The following MYO5B variants were observed in gnomAD, a reference collection of about 807,000 sequenced individuals.
The protein encoded by MYO5B is unconventional myosin-Vb.
In MYO5B, 143 loss-of-function variants were observed where a neutral mutation model predicts 229.3. That is an observed-to-expected ratio of 0.62 (90% CI 0.54 to 0.72). MYO5B has a LOEUF of 0.72. MYO5B is among the 30% of genes least tolerant of loss of function. MYO5B has a pLI of 0.00. For synonymous variants in MYO5B, 918 were observed against 885.2 expected (o/e 1.04, Z -0.66); for missense variants, 2,321 against 2,331.0 (o/e 1.00, Z 0.09).
chr18:49,838,649 T>A (rs185466802), intron 36 of MYO5B, among the ~76,000 whole-genome samples: 251 of 152,322 alleles, frequency 1.6e-3, no homozygotes, highest in Non-Finnish European at 2.4e-3. Context: ...TTTCTTCCGA[T>A]TGAAAATGTA....
intron 14 of MYO5B, among the ~76,000 whole-genome samples, chr18:49,940,899 T>C (rs2025306294): frequency 6.6e-6 from 1 of 152,236 alleles, no homozygotes; most frequent in South Asian, 2.1e-4. Context: ...GCTAATCTTC[T>C]ACATCAAGCA....
intron 2 of MYO5B, among the ~76,000 whole-genome samples, chr18:50,043,297 A>T (rs1410749819): frequency 5.0e-5 from 5 of 100,734 alleles, no homozygotes; most frequent in East Asian, 5.4e-4. Flanking sequence ...TATATTATAT[A>T]TAATATATAA....
intron 2 of MYO5B, among the ~76,000 whole-genome samples, chr18:50,043,376 T>TTTA (rs1294971525): frequency 2.4e-3 from 229 of 96,980 alleles, no homozygotes; most frequent in Non-Finnish European, 4.0e-3. Context: ...ATATAATATA[T>TTTA]AATATATTAA....
intron 26 of MYO5B, among the ~76,000 whole-genome samples, chr18:49,874,072 T>C (rs999218542): frequency 6.6e-6 from 1 of 152,176 alleles, no homozygotes; most frequent in Non-Finnish European, 1.5e-5. Flanking sequence ...CAGGGTGCTG[T>C]AGAGGGATCC....
chr18:49,990,654 C>T (rs562265432), intron 6 of MYO5B, 134 bp from the exon 7 acceptor site: 1 of 724,984 alleles, frequency 1.4e-6, no homozygotes, highest in East Asian at 2.7e-5. Flanking sequence ...CTCCACACCT[C>T]TGCCACCTTC....
chr18:50,104,519 G>A (rs912319196), intron 1 of MYO5B, among the ~76,000 whole-genome samples: 38 of 140,982 alleles, frequency 2.7e-4, no homozygotes, highest in African/African-American at 1.1e-3. Flanking sequence ...TCATACAATT[G>A]TTCACTGTCA....
intron 4 of MYO5B, among the ~76,000 whole-genome samples, chr18:50,003,777 T>C (rs1467860808): frequency 6.6e-6 from 1 of 152,218 alleles, no homozygotes; most frequent in Non-Finnish European, 1.5e-5. Context: ...ATGGATAAGT[T>C]TAGAATGTAT....
At chr18:49,887,903 G>C (rs1324960817) in intron 22 of MYO5B, among the ~76,000 whole-genome samples, 1 of 151,998 alleles carries the variant, frequency 6.6e-6, no homozygotes, top group African/African-American at 2.4e-5. Flanking sequence ...GGCCAAGCTA[G>C]TCTGGAACTC....
chr18:49,981,162 ATT>A (rs1209360287), intron 8 of MYO5B, among the ~76,000 whole-genome samples: 1 of 152,242 alleles, frequency 6.6e-6, no homozygotes, highest in African/African-American at 2.4e-5. Context: ...GTGTTGTCAG[ATT>A]TGTTATTTAC....
intron 27 of MYO5B, among the ~76,000 whole-genome samples, chr18:49,869,320 G>T (rs2024432133): frequency 6.6e-6 from 1 of 152,098 alleles, no homozygotes; most frequent in South Asian, 2.1e-4. Flanking sequence ...GTCTGGGCTG[G>T]GCCTGGTTGA....
At chr18:49,882,789 C>T (rs2024602866) in intron 22 of MYO5B, among the ~76,000 whole-genome samples, 1 of 151,942 alleles carries the variant, frequency 6.6e-6, no homozygotes, top group African/African-American at 2.4e-5. Flanking sequence ...TGGAAATACA[C>T]ACTTTAAAAC....
chr18:49,877,238 T>C (rs1018259526), intron 25 of MYO5B, among the ~76,000 whole-genome samples: 1 of 152,216 alleles, frequency 6.6e-6, no homozygotes, highest in Non-Finnish European at 1.5e-5. Flanking sequence ...CAGTCCACTG[T>C]GTGGTATATT....
At chr18:50,088,964 G>A (rs548809750) in intron 1 of MYO5B, among the ~76,000 whole-genome samples, 1 of 151,634 alleles carries the variant, frequency 6.6e-6, no homozygotes, top group Admixed American at 6.6e-5. Context: ...ATCATCTAAG[G>A]GGAGAAAAGT....
intron 4 of MYO5B, 115 bp downstream of exon 4, chr18:50,036,735 T>A: frequency 8.1e-7 from 1 of 1,232,346 alleles, no homozygotes; most frequent in Non-Finnish European, 1.2e-6. Flanking sequence ...CCAAGATGTT[T>A]CCTCAGTCCC....
intron 17 of MYO5B, among the ~76,000 whole-genome samples, chr18:49,927,161 C>G (rs2025137680): frequency 6.6e-6 from 1 of 152,048 alleles, no homozygotes; most frequent in South Asian, 2.1e-4. Flanking sequence ...AAGATGGTAA[C>G]CAAGGAGGTG....
chr18:49,902,638 TGCC>T lies in MYO5B; in HGVS notation c.2764_2766del (p.Gly922del). On this transcript the variant is annotated inframe_deletion, in exon 21 of 40. Transcript: ENST00000285039. ...TGCAGCTGGACCACCTTGTTCTCCA[TGCC>T]CACGTTGAGACGTTTCAGATGCTCT... The T allele has an allele frequency of 6.2e-7, 1 of 1,613,460 alleles. No homozygotes were observed. Among genetic ancestry groups the T allele is most frequent in the Non-Finnish European group, 8.5e-7 (1 of 1,180,032 alleles).
chr18:49,855,210 T>C (rs1436072096), intron 30 of MYO5B, among the ~76,000 whole-genome samples: 1 of 152,240 alleles, frequency 6.6e-6, no homozygotes, highest in African/African-American at 2.4e-5. Flanking sequence ...TCTCCTGCCT[T>C]GTGCAGCACG....
chr18:49,873,067 G>T (rs2024474607), intron 26 of MYO5B, among the ~76,000 whole-genome samples: 1 of 152,212 alleles, frequency 6.6e-6, no homozygotes, highest in Admixed American at 6.5e-5. Context: ...ACCGCAGGTA[G>T]TAGAGATGGC....
intron 1 of MYO5B, among the ~76,000 whole-genome samples, chr18:50,122,439 TAAAAAAA>T (rs71169481): frequency 2.4e-5 from 1 of 41,878 alleles, no homozygotes; most frequent in African/African-American, 1.0e-4. Flanking sequence ...CTGTCTCAAC[TAAAAAAA>T]AAAAAAAAAA....
Sources: allele counts gnomAD v4.1 joint callset (sites outside exome capture counted in the v4.1 genomes callset), GRCh38; gene constraint gnomAD v4.1.1; transcripts MANE v1.5; gene names NCBI Gene and HGNC (gene_info 2026-07-23, HGNC 2026-07-21).